The following B3GALT1 variants were observed in gnomAD, a reference collection of about 807,000 sequenced individuals.
The protein encoded by B3GALT1 is UDP-Gal:betaGlcNAc beta 1,3-galactosyltransferase, polypeptide 1.
B3GALT1 carries 10 observed loss-of-function variants against 23.2 expected under a neutral mutation model. The observed-to-expected ratio is 0.43, with a 90% CI of 0.27 to 0.73. The LOEUF (loss-of-function observed/expected upper bound fraction) is 0.73, where lower values mean the gene tolerates loss of function less well. Among genes scored for constraint, B3GALT1 ranks in the 30% least tolerant of loss-of-function variants. The pLI, the probability that B3GALT1 is intolerant of heterozygous loss-of-function variation, is 0.21. For synonymous variants in B3GALT1, 156 were observed against 141.5 expected, an observed-to-expected ratio of 1.10 and a Z score of -0.73; for missense variants, 299 against 405.4, an observed-to-expected ratio of 0.74 and a Z score of 2.25.
intron 1 of B3GALT1, among the ~76,000 whole-genome samples, chr2:167,348,303 A>G (rs1697256480): frequency 6.6e-6 from 1 of 152,162 alleles, no homozygotes; most frequent in South Asian, 2.1e-4. Flanking sequence ...TAATTTTTAT[A>G]TTGTTTCATC....
chr2:167,371,289 T>C (rs1379730972), intron 1 of B3GALT1, among the ~76,000 whole-genome samples: 1 of 152,196 alleles, frequency 6.6e-6, no homozygotes, highest in Non-Finnish European at 1.5e-5. Flanking sequence ...TAAAACTCTT[T>C]AATCTTTATA....
intron 2 of B3GALT1, among the ~76,000 whole-genome samples, chr2:167,623,695 T>C (rs1685298156): frequency 6.6e-6 from 1 of 152,052 alleles, no homozygotes; most frequent in Non-Finnish European, 1.5e-5. Flanking sequence ...GGCACATGTG[T>C]ACCTATGTAA....
chr2:167,465,981 T>C (rs911405343), intron 1 of B3GALT1, among the ~76,000 whole-genome samples: 1 of 152,164 alleles, frequency 6.6e-6, no homozygotes, highest in Non-Finnish European at 1.5e-5. Context: ...GCAGATATTA[T>C]CTGCTGCTTC....
chr2:167,868,395 A>G (rs1465458793), intron 4 of B3GALT1, among the ~76,000 whole-genome samples: 2 of 152,168 alleles, frequency 1.3e-5, no homozygotes, highest in African/African-American at 4.8e-5. Flanking sequence ...AGCAAACAAA[A>G]ACTCAGACTC....
At chr2:167,449,392 G>T (rs868021693) in intron 1 of B3GALT1, among the ~76,000 whole-genome samples, 1 of 152,186 alleles carries the variant, frequency 6.6e-6, no homozygotes, top group Admixed American at 6.5e-5. Flanking sequence ...TGATTTCTCA[G>T]CTTGGTCACT....
rs537652033 is a variant in B3GALT1, at chr2:167,622,487, C to T, written c.-409-24422C>T. ...GTATATGATGCCACCATCTAATGAC[C>T]GAATTAACCAACCTACAGAGGAAAT... On this transcript the variant is annotated intron_variant, in intron 2 of 4. Coordinates refer to ENST00000392690, the MANE Select transcript of B3GALT1 (RefSeq NM_020981.4). 8.5e-5 allele frequency among the ~76,000 whole-genome samples: 13 copies of T among 152,060 alleles called. No homozygotes were observed. The South Asian group carries it at 1.7e-3, about 19-fold the overall frequency.
chr2:167,463,323 G>A (rs116043276), intron 1 of B3GALT1, among the ~76,000 whole-genome samples: 1 of 152,000 alleles, frequency 6.6e-6, no homozygotes, highest in Admixed American at 6.6e-5. Context: ...AAGTTTATCA[G>A]AAAGAAGTGT....
At chr2:167,650,150 TTC>T (rs1423166610) in intron 3 of B3GALT1, among the ~76,000 whole-genome samples, 2 of 151,622 alleles carry the variant, frequency 1.3e-5, no homozygotes, top group African/African-American at 4.8e-5. Context: ...TTCAAATACT[TTC>T]TCTGCAGCAA....
chr2:167,395,447 T>C (rs1052951235), intron 1 of B3GALT1, among the ~76,000 whole-genome samples: 2 of 152,010 alleles, frequency 1.3e-5, no homozygotes, highest in African/African-American at 4.8e-5. Context: ...AAAAGAACCA[T>C]AAGCCAAGGA....
chr2:167,867,124 C>T lies in B3GALT1; in HGVS notation c.-229-1687C>T, dbSNP rs563809407. On this transcript the variant is annotated intron_variant, in intron 4 of 4. Transcript: ENST00000392690. Reference sequence around the variant, plus strand: ...TGTATTTTTAGTAGAGACGGGGTTTCACCGTTTTAGCCAGGATGGTCTCGA... The same window carrying T: ...TGTATTTTTAGTAGAGACGGGGTTTTACCGTTTTAGCCAGGATGGTCTCGA... Among the ~76,000 whole-genome samples the T allele has an allele frequency of 1.7e-4, 26 of 152,262 alleles. No individual in the cohort carries two copies. The East Asian group carries it at 4.6e-3, about 27-fold the overall frequency.
At chr2:167,563,861 G>C (rs1206357937) in intron 2 of B3GALT1, among the ~76,000 whole-genome samples, 1 of 146,666 alleles carries the variant, frequency 6.8e-6, no homozygotes, top group Non-Finnish European at 1.5e-5. Flanking sequence ...CGGCCGGGCA[G>C]AGGCGCCCCT....
chr2:167,793,607 AAAAGT>A (rs58039204), intron 3 of B3GALT1, among the ~76,000 whole-genome samples: 14,770 of 152,160 alleles, frequency 0.097, 1,026 homozygotes, highest in African/African-American at 0.19. Flanking sequence ...GGAAAATTCT[AAAAGT>A]AAAGTGTTAA....
intron 1 of B3GALT1, among the ~76,000 whole-genome samples, chr2:167,293,612 G>A (rs1014303837): frequency 6.6e-6 from 1 of 152,258 alleles, no homozygotes; most frequent in Non-Finnish European, 1.5e-5. Context: ...ACTTTGCAGC[G>A]AGAACAGTGG....
chr2:167,435,954 A>AACAC (rs66661618), intron 1 of B3GALT1, among the ~76,000 whole-genome samples: 141 of 139,294 alleles, frequency 1.0e-3, no homozygotes, highest in South Asian at 4.8e-3. Flanking sequence ...CACACACACA[A>AACAC]ACACACACAC....
intron 2 of B3GALT1, among the ~76,000 whole-genome samples, chr2:167,615,269 A>C (rs1409451305): frequency 2.6e-5 from 4 of 152,192 alleles, no homozygotes; most frequent in Non-Finnish European, 4.4e-5. Context: ...ATTAAGTAAA[A>C]CAAGCCAGAC....
At chr2:167,445,690 C>CT (rs953427032) in intron 1 of B3GALT1, among the ~76,000 whole-genome samples, 78 of 151,346 alleles carry the variant, frequency 5.2e-4, no homozygotes, top group African/African-American at 1.6e-3. Flanking sequence ...GGAACCCCTG[C>CT]TTTTTTTTTG....
At chr2:167,516,971 T>TATATAA in intron 2 of B3GALT1, among the ~76,000 whole-genome samples, 1 of 36,842 alleles carries the variant, frequency 2.7e-5, no homozygotes, top group African/African-American at 6.8e-4. Context: ...TATATATATA[T>TATATAA]GACACTTAAG....
intron 1 of B3GALT1, among the ~76,000 whole-genome samples, chr2:167,389,909 C>CAAAAAAAAAAAA (rs141871874): frequency 8.9e-6 from 1 of 112,592 alleles, no homozygotes; most frequent in Non-Finnish European, 1.6e-5. Flanking sequence ...ATACCCTGTC[C>CAAAAAAAAAAAA]AAAAAAAAAA....
chr2:167,717,329 G>A (rs1215483109), intron 3 of B3GALT1, among the ~76,000 whole-genome samples: 1 of 150,840 alleles, frequency 6.6e-6, no homozygotes, highest in Non-Finnish European at 1.5e-5. Flanking sequence ...TAGGGTACAT[G>A]TGCACAATGT....
Sources: allele counts gnomAD v4.1 joint callset (sites outside exome capture counted in the v4.1 genomes callset), GRCh38; gene constraint gnomAD v4.1.1; transcripts MANE v1.5; gene names NCBI Gene and HGNC (gene_info 2026-07-23, HGNC 2026-07-21).